Variants in PPP4R3B observed in about 807,000 individuals in gnomAD.
PPP4R3B encodes the protein serine/threonine-protein phosphatase 4 regulatory subunit 3B.
In PPP4R3B, 52 loss-of-function variants were observed where a neutral mutation model predicts 95.4. That is an observed-to-expected ratio of 0.54 (90% CI 0.44 to 0.69). PPP4R3B has a LOEUF of 0.69. Ranked by LOEUF, PPP4R3B falls within the 30% of genes least tolerant of loss-of-function variation. The probability of loss-of-function intolerance (pLI) is 0.00; values close to 1 mark genes in which losing one functional copy is unlikely to be tolerated. For missense variants in PPP4R3B, 1,003 were observed against 1,005.9 expected, an observed-to-expected ratio of 1.00 and a Z score of 0.04; for synonymous variants, 407 against 343.9, an observed-to-expected ratio of 1.18 and a Z score of -2.03.
At chr2:55,562,469 A>G (rs1214634802) in intron 15 of PPP4R3B, among the ~76,000 whole-genome samples, 2 of 151,706 alleles carry the variant, frequency 1.3e-5, no homozygotes, top group Non-Finnish European at 2.9e-5. Flanking sequence ...CCTCCTTCAC[A>G]CTCTCTGTCT....
intron 2 of PPP4R3B, among the ~76,000 whole-genome samples, chr2:55,613,124 A>C (rs1176443180): frequency 6.6e-6 from 1 of 152,180 alleles, no homozygotes; most frequent in Non-Finnish European, 1.5e-5. Context: ...AATTATTTTC[A>C]AAAGTGCAAA....
Position 55,615,857 on chromosome 2 carries a change from C to CAAAAAAAAAAAAAAAAAAAAA in PPP4R3B, c.143-372_143-352dup, listed in dbSNP as rs58981030. Among the ~76,000 whole-genome samples the CAAAAAAAAAAAAAAAAAAAAA allele has an allele frequency of 2.3e-4, 9 of 39,064 alleles. 1 individual carries two copies. The highest frequency in any genetic ancestry group is 1.4e-3 in the African/African-American group (8 of 5,530). 25.6% of individuals were successfully genotyped at this position (39,064 alleles called of 152,430 possible). On this transcript the variant is annotated intron_variant, in intron 1 of 16. Coordinates refer to ENST00000616407, the MANE Select transcript of PPP4R3B (RefSeq NM_001122964.3). ...TGGCAACAGAGCAAGACTCTGTCTC[C>CAAAAAAAAAAAAAAAAAAAAA]AAAAAAAAAAAAAAAAAAAAAAAAA...
intron 2 of PPP4R3B, among the ~76,000 whole-genome samples, chr2:55,612,050 T>C (rs1694242993): frequency 6.6e-6 from 1 of 152,174 alleles, no homozygotes. Context: ...CATATTTTAA[T>C]ACAGCAAAAT....
chr2:55,591,424 T>G, intron 4 of PPP4R3B: 47 of 670,852 alleles, frequency 7.0e-5, no homozygotes, highest in Non-Finnish European at 7.7e-5. Flanking sequence ...ACTACAGGCA[T>G]GAGCCACCAT....
intron 2 of PPP4R3B, among the ~76,000 whole-genome samples, chr2:55,609,345 C>T (rs540544694): frequency 6.8e-4 from 103 of 152,166 alleles, no homozygotes; most frequent in South Asian, 1.2e-3. Context: ...AATCTCCTGC[C>T]GGAAAGTCTC....
rs1275372545 is a variant in PPP4R3B, at chr2:55,558,777, T to C, written c.2452A>G (p.Lys818Glu). Residue 818 changes from lysine to glutamate, a missense_variant and splice_region_variant, in exon 16 of 17, where the codon AAG becomes GAG. This residue lies in a region of PPP4R3B where 229 missense variants were observed against 194.7 expected (regional missense o/e 1.18). Transcript: ENST00000616407. ...GTGTGTAATGCTGTTTCACCTACCT[T>C]GGTGGCTGTTACTGACGTAGGCAAG... The part of the protein sequence containing the change: ...TNLPTSVTAT[K>E]GSLVGLVDYP... 1 of 1,602,762 alleles carries C rather than the reference T, an allele frequency of 6.2e-7. No homozygotes were observed. The highest frequency in any genetic ancestry group is 1.3e-5 in the African/African-American group (1 of 74,680).
At chr2:55,586,789 T>G (rs1272205891) in intron 5 of PPP4R3B, 55 bp from the exon 6 acceptor site, 2 of 1,029,932 alleles carry the variant, frequency 1.9e-6, no homozygotes, top group South Asian at 1.5e-5. Context: ...TGGGGCACAC[T>G]ATAGTAATCA....
chr2:55,562,564 T>A (rs1686769412), intron 15 of PPP4R3B, among the ~76,000 whole-genome samples: 2 of 152,210 alleles, frequency 1.3e-5, no homozygotes, highest in South Asian at 4.1e-4. Context: ...TCAGCCATGT[T>A]TCCTGTTAAG....
At chr2:55,603,014 G>A (rs573299953) in intron 3 of PPP4R3B, among the ~76,000 whole-genome samples, 4 of 151,544 alleles carry the variant, frequency 2.6e-5, no homozygotes, top group African/African-American at 9.7e-5. Context: ...GAGTGTAGTG[G>A]CATTATCTTG....
intron 5 of PPP4R3B, 40 bp downstream of exon 5, chr2:55,588,839 A>G: frequency 7.2e-7 from 1 of 1,386,960 alleles, no homozygotes; most frequent in Non-Finnish European, 1.0e-6. Context: ...GCATGCCAAA[A>G]GAATAAGTGC....
At chr2:55,561,856 A>G (rs1312569603) in intron 15 of PPP4R3B, among the ~76,000 whole-genome samples, 1 of 152,218 alleles carries the variant, frequency 6.6e-6, no homozygotes, top group African/African-American at 2.4e-5. Context: ...ACTTTGTCTC[A>G]TATGAGACTT....
At chr2:55,559,549 G>A (rs983327889) in intron 15 of PPP4R3B, among the ~76,000 whole-genome samples, 4 of 151,948 alleles carry the variant, frequency 2.6e-5, no homozygotes, top group African/African-American at 4.8e-5. Flanking sequence ...GGTGGATTTC[G>A]CCCTTGCTGT....
rs748317352 is a variant in PPP4R3B, at chr2:55,558,776, T to G, written c.2453A>C (p.Lys818Thr). The G allele has an allele frequency of 6.2e-7, 1 of 1,601,500 alleles. No individual in the cohort carries two copies. The highest frequency in any genetic ancestry group is 8.5e-7 in the Non-Finnish European group (1 of 1,172,128). Residue 818 changes from lysine to threonine, a missense_variant and splice_region_variant, in exon 16 of 17, where the codon AAG becomes ACG. Around this residue, in one of 3 missense-constraint regions of PPP4R3B, gnomAD observed 229 missense variants for 194.7 expected, o/e 1.18. Coordinates refer to ENST00000616407, the MANE Select transcript of PPP4R3B (RefSeq NM_001122964.3). Reference sequence around the variant, plus strand: ...TGTGTGTAATGCTGTTTCACCTACCTTGGTGGCTGTTACTGACGTAGGCAA... The same window carrying G: ...TGTGTGTAATGCTGTTTCACCTACCGTGGTGGCTGTTACTGACGTAGGCAA... ...TNLPTSVTAT[K>T]GSLVGLVDYP...
intron 2 of PPP4R3B, among the ~76,000 whole-genome samples, chr2:55,607,047 T>C (rs1572725284): frequency 6.6e-6 from 1 of 152,176 alleles, no homozygotes; most frequent in Non-Finnish European, 1.5e-5. Flanking sequence ...TGAGTTAGGA[T>C]AGTTTAAGTT....
chr2:55,606,539 T>C (rs1411679201), intron 2 of PPP4R3B, among the ~76,000 whole-genome samples: 1 of 151,574 alleles, frequency 6.6e-6, no homozygotes, highest in African/African-American at 2.4e-5. Flanking sequence ...AAAAAATTAT[T>C]GGCCAGGCAC....
intron 10 of PPP4R3B, 107 bp downstream of exon 10, chr2:55,578,140 A>G (rs1018320828): frequency 1.8e-6 from 2 of 1,118,320 alleles, no homozygotes; most frequent in Non-Finnish European, 2.3e-6. Context: ...TATGTATGAC[A>G]GACATTAAAT....
At position 55,564,378 on chromosome 2, in the gene PPP4R3B, A is replaced by T; in HGVS notation, c.2195T>A (p.Val732Glu). ...ATCATCTTCTGGCTTAGGTTTTTCC[A>T]CTGGTGCCACAACTGCTTTTCCTTC... ...EEEGKAVVAP[V>E]EKPKPEDDFP... The change falls in exon 15 of 17, where the codon GTG becomes GAG. Residue 732 changes from valine (V) to glutamate (E), a missense_variant. Val to Glu is a moderately radical substitution (Grantham distance 121). This residue lies in a region of PPP4R3B where 229 missense variants were observed against 194.7 expected (regional missense o/e 1.18). Transcript: ENST00000616407. The T allele has an allele frequency of 6.2e-7, 1 of 1,613,888 alleles. No homozygotes were observed. Among genetic ancestry groups the T allele is most frequent in the Non-Finnish European group, 8.5e-7 (1 of 1,179,906 alleles).
rs1691391913 is a variant in PPP4R3B at position 55,593,940 on chromosome 2, A to G, written c.921+4476T>C. Among the ~76,000 whole-genome samples, 2 of 152,222 alleles carry G rather than the reference A, an allele frequency of 1.3e-5. 1 individual carries two copies. Among genetic ancestry groups the G allele is most frequent in the South Asian group, 4.1e-4 (2 of 4,832 alleles). On this transcript the variant is annotated intron_variant, in intron 4 of 16. Coordinates refer to ENST00000616407, the MANE Select transcript of PPP4R3B (RefSeq NM_001122964.3). ...TGTCTACCAACAGATGATCAGACAA[A>G]GAAAATGGGGTGTATATATACACTG...
At chr2:55,606,421 A>C (rs1370446220) in intron 2 of PPP4R3B, among the ~76,000 whole-genome samples, 1 of 152,110 alleles carries the variant, frequency 6.6e-6, no homozygotes, top group African/African-American at 2.4e-5. Context: ...GCAATGGCTC[A>C]AGTCTGTAAT....
Sources: allele counts gnomAD v4.1 joint callset (sites outside exome capture counted in the v4.1 genomes callset), GRCh38; gene constraint gnomAD v4.1.1; regional missense constraint gnomAD v4.1.1; transcripts MANE v1.5; gene names NCBI Gene and HGNC (gene_info 2026-07-23, HGNC 2026-07-21).